Variants in GNA13 observed in about 807,000 individuals in gnomAD.
The protein encoded by GNA13 is G protein subunit alpha 13.
A neutral mutation model predicts 33.5 loss-of-function variants in GNA13; 4 were observed. The ratio of observed to expected loss-of-function variants is 0.12; its 90% CI spans 0.06 to 0.27. GNA13 has a LOEUF of 0.27. GNA13 is among the 10% of genes least tolerant of loss of function. GNA13 has a pLI of 1.00. For synonymous variants in GNA13, 176 were observed against 183.8 expected, an observed-to-expected ratio of 0.96 and a Z score of 0.34; for missense variants, 319 against 487.2, an observed-to-expected ratio of 0.65 and a Z score of 3.25.
At chr17:65,055,828 G>T in intron 1 of GNA13, 1 of 888,122 alleles carries the variant, frequency 1.1e-6, no homozygotes, top group Non-Finnish European at 1.3e-6. Flanking sequence ...GCAGGGAGTT[G>T]GGAGCGCATG....
Position 65,011,832 on chromosome 17 carries a change from C to T in GNA13, c.*2425G>A. On this transcript the variant is annotated 3_prime_UTR_variant, in exon 4 of 4. Transcript: ENST00000439174. ...TTCAATTCTGTTCACTAAATTTCAT[C>T]TCTCTCTTCATATAGTGGTATTTCA... is the stretch of plus-strand genomic sequence containing the variant. The T allele has an allele frequency of 4.4e-6, 1 of 227,900 alleles. No individual in the cohort carries two copies. The highest frequency in any genetic ancestry group is 8.7e-6 in the Non-Finnish European group (1 of 114,806). The allele number at this position is 227,900 out of a possible 1,614,324, so 14.1% of individuals were successfully genotyped here. A position where few individuals can be genotyped will look rare whatever the true frequency, so the allele number is the denominator to read the frequency against.
At chr17:65,038,311 G>A (rs1056759358) in intron 2 of GNA13, among the ~76,000 whole-genome samples, 1 of 152,002 alleles carries the variant, frequency 6.6e-6, no homozygotes, top group East Asian at 1.9e-4. Flanking sequence ...GCTGAGGTAG[G>A]AGAATCGCTT....
intron 2 of GNA13, among the ~76,000 whole-genome samples, chr17:65,029,032 A>G (rs1440074356): frequency 6.6e-6 from 1 of 152,252 alleles, no homozygotes; most frequent in East Asian, 1.9e-4. Context: ...AATGAGAAAC[A>G]TAAGGATGTT....
chr17:65,039,546 TAA>T (rs2143810899), intron 2 of GNA13, among the ~76,000 whole-genome samples: 1 of 152,312 alleles, frequency 6.6e-6, no homozygotes, highest in African/African-American at 2.4e-5. Context: ...TGACCAGCAG[TAA>T]GTTTTTTTCC....
At chr17:65,052,155 A>T (rs544211471) in intron 2 of GNA13, 1 of 152,010 alleles carries the variant, frequency 6.6e-6, no homozygotes, top group African/African-American at 2.4e-5. Flanking sequence ...TAAGCAGCTT[A>T]TTTATTTTTT....
chr17:65,035,824 G>A (rs143182293), intron 2 of GNA13, among the ~76,000 whole-genome samples: 1 of 148,644 alleles, frequency 6.7e-6, no homozygotes, highest in African/African-American at 2.5e-5. Context: ...GACTTCAATT[G>A]TTAAAAAGAA....
At chr17:65,029,235 T>A (rs2143792614) in intron 2 of GNA13, among the ~76,000 whole-genome samples, 1 of 152,284 alleles carries the variant, frequency 6.6e-6, no homozygotes, top group East Asian at 1.9e-4. Context: ...TCTCCAACAT[T>A]ATCTCCTACT....
chr17:65,029,924 A>G (rs991525389), intron 2 of GNA13, among the ~76,000 whole-genome samples: 3 of 152,170 alleles, frequency 2.0e-5, no homozygotes, highest in African/African-American at 7.2e-5. Flanking sequence ...TTATAAATGT[A>G]AATGCTAAAG....
At chr17:65,031,915 A>AGTGTGTGT (rs1567821894) in intron 2 of GNA13, among the ~76,000 whole-genome samples, 1 of 131,368 alleles carries the variant, frequency 7.6e-6, no homozygotes, top group Non-Finnish European at 1.6e-5. Context: ...AGAGAGAGAG[A>AGTGTGTGT]GAGAGAGTGT....
At chr17:65,028,371 T>C (rs1275374362) in intron 2 of GNA13, among the ~76,000 whole-genome samples, 1 of 140,962 alleles carries the variant, frequency 7.1e-6, no homozygotes, top group Non-Finnish European at 1.5e-5. Flanking sequence ...ATCACGCCAC[T>C]GCACTCCAAC....
intron 2 of GNA13, among the ~76,000 whole-genome samples, chr17:65,024,753 A>G (rs1176582147): frequency 6.6e-6 from 1 of 152,262 alleles, no homozygotes; most frequent in Non-Finnish European, 1.5e-5. Flanking sequence ...AAATCTGGAT[A>G]TATATTTTAC....
chr17:65,016,744 G>A (rs1378149784), intron 3 of GNA13, among the ~76,000 whole-genome samples: 2 of 152,204 alleles, frequency 1.3e-5, no homozygotes, highest in African/African-American at 4.8e-5. Flanking sequence ...TAGGACTCAA[G>A]TGTTAGCTTT....
chr17:65,026,911 T>C (rs1906805695), intron 2 of GNA13, among the ~76,000 whole-genome samples: 1 of 152,172 alleles, frequency 6.6e-6, no homozygotes, highest in Non-Finnish European at 1.5e-5. Flanking sequence ...TCCAAGTAGC[T>C]GGGATTACAA....
In GNA13 at chr17:65,056,318, C is replaced by T. The variant is rs747246606; in HGVS notation, c.276G>A (p.Val92=). ...CCATTCCCGGCCCGGCACCTTTGAT[C>T]ACGTTGCTGTAGATGGTGGGGCGGA... The part of the protein sequence containing the change: ...EEFRPTIYSN[V]IKGMRVLVDA... The change falls in exon 1 of 4, where the codon GTG becomes GTA. Residue 92 remains valine (V), a synonymous_variant. Coordinates refer to ENST00000439174, the MANE Select transcript of GNA13 (RefSeq NM_006572.6). 6.7e-7 allele frequency: 1 copy of T among 1,501,570 alleles called. No individual in the cohort carries two copies. Among genetic ancestry groups the T allele is most frequent in the South Asian group, 1.1e-5 (1 of 89,916 alleles). The allele number at this position is 1,501,570 out of a possible 1,614,324, so 93.0% of individuals were successfully genotyped here.
chr17:65,048,507 T>C (rs540803742), intron 2 of GNA13, among the ~76,000 whole-genome samples: 1 of 152,320 alleles, frequency 6.6e-6, no homozygotes, highest in Non-Finnish European at 1.5e-5. Context: ...ATCCTCAGTA[T>C]GCTAATTTAT....
intron 2 of GNA13, among the ~76,000 whole-genome samples, chr17:65,020,123 T>C (rs1009519442): frequency 6.6e-6 from 1 of 152,272 alleles, no homozygotes; most frequent in Non-Finnish European, 1.5e-5. Flanking sequence ...ACGAGGCAAC[T>C]GGTATCCTCT....
At chr17:65,037,584 T>C (rs993010343) in intron 2 of GNA13, among the ~76,000 whole-genome samples, 4 of 151,956 alleles carry the variant, frequency 2.6e-5, no homozygotes, top group African/African-American at 9.7e-5. Context: ...TCTGGCCACT[T>C]CTGCTAGGAT....
At chr17:65,044,076 T>C (rs1319930396) in intron 2 of GNA13, among the ~76,000 whole-genome samples, 2 of 152,182 alleles carry the variant, frequency 1.3e-5, no homozygotes, top group African/African-American at 2.4e-5. Context: ...CAGTAAGCCA[T>C]GACTGTGCCA....
At position 65,044,253 on chromosome 17, in the gene GNA13, G is replaced by C. The variant is rs567423786; in HGVS notation, c.510+9249C>G. 2.0e-5 allele frequency among the ~76,000 whole-genome samples: 3 copies of C among 152,192 alleles called. No individual in the cohort carries two copies. In the South Asian group the frequency reaches 6.2e-4, roughly 31 times the overall value. On this transcript the variant is annotated intron_variant, in intron 2 of 3. Coordinates refer to ENST00000439174, the MANE Select transcript of GNA13 (RefSeq NM_006572.6). The stretch of plus-strand genomic sequence containing the variant: ...TGGTACTTTGGCCAAGTGCACTAAA[G>C]TTCAGTTCTCAAAACAAAACTATTT...
Sources: allele counts gnomAD v4.1 joint callset (sites outside exome capture counted in the v4.1 genomes callset), GRCh38; gene constraint gnomAD v4.1.1; transcripts MANE v1.5; gene names NCBI Gene and HGNC (gene_info 2026-07-23, HGNC 2026-07-21).